Variants in RGS7 observed in about 807,000 individuals in gnomAD.
RGS7 encodes the protein regulator of G protein signaling 7, also known as regulator of G-protein signaling 7.
In RGS7, 27 loss-of-function variants were observed where a neutral mutation model predicts 81.1. The observed-to-expected ratio is 0.33, with a 90% CI of 0.25 to 0.46. The LOEUF is 0.46. Among genes scored for constraint, RGS7 ranks in the 20% least tolerant of loss-of-function variants. The pLI is 1.00. For missense variants in RGS7, 396 were observed against 607.4 expected (o/e 0.65, Z 3.66); for synonymous variants, 208 against 207.7 (o/e 1.00, Z -0.01).
chr1:241,160,355 A>G (rs1289985721), intron 2 of RGS7, among the ~76,000 whole-genome samples: 2 of 152,192 alleles, frequency 1.3e-5, no homozygotes, highest in African/African-American at 4.8e-5. Flanking sequence ...ATGTTGAATA[A>G]TAGACATTAT....
chr1:240,923,802 T>C lies in RGS7; in HGVS notation c.385+6915A>G, dbSNP rs375869105. Among the ~76,000 whole-genome samples the C allele has an allele frequency of 1.4e-4, 22 of 152,254 alleles. 1 individual carries two copies. The highest frequency in any genetic ancestry group is 8.3e-4 in the South Asian group (4 of 4,830). On this transcript the variant is annotated intron_variant, in intron 6 of 18. Coordinates refer to ENST00000440928, the MANE Select transcript of RGS7 (RefSeq NM_001364886.1). ...TTTAGATAAAGAAATAAATAATGTC[T>C]ACTTTTAGAAAAATGAATTTCTTTC...
chr1:240,920,227 AAAGAGGTCGAAGTGGTTCTGG>A, intron 6 of RGS7: 1 of 1,186,582 alleles, frequency 8.4e-7, no homozygotes, highest in Non-Finnish European at 1.2e-6. Flanking sequence ...TCATGCAGCC[AAAGAGGTCGAAGTGGTTCTGG>A]AAACTTTGGT....
chr1:241,127,657 C>T (rs1240855820), intron 2 of RGS7, among the ~76,000 whole-genome samples: 3 of 151,866 alleles, frequency 2.0e-5, no homozygotes, highest in Non-Finnish European at 4.4e-5. Flanking sequence ...CAAACCTGCA[C>T]GTTGTGCACA....
chr1:240,821,391 G>A (rs1691774923), intron 10 of RGS7, among the ~76,000 whole-genome samples: 1 of 152,190 alleles, frequency 6.6e-6, no homozygotes, highest in Non-Finnish European at 1.5e-5. Flanking sequence ...GGCAGAGGCT[G>A]CAGTGAGCCG....
intron 2 of RGS7, among the ~76,000 whole-genome samples, chr1:241,105,612 G>A (rs910245063): frequency 6.6e-6 from 1 of 152,104 alleles, no homozygotes; most frequent in African/African-American, 2.4e-5. Context: ...GTTCTCTAAT[G>A]TTCTAAACAA....
intron 18 of RGS7, among the ~76,000 whole-genome samples, chr1:240,799,314 G>T (rs991149745): frequency 5.3e-5 from 7 of 131,522 alleles, no homozygotes; most frequent in African/African-American, 1.9e-4. Flanking sequence ...TGTGTGTGTG[G>T]ATGGTATTCA....
At chr1:241,156,264 G>A (rs1323695333) in intron 2 of RGS7, among the ~76,000 whole-genome samples, 2 of 152,068 alleles carry the variant, frequency 1.3e-5, no homozygotes, top group Non-Finnish European at 2.9e-5. Flanking sequence ...GCCTGAAGCT[G>A]GAGGATTGCT....
At chr1:241,332,338 T>G (rs555489143) in intron 2 of RGS7, among the ~76,000 whole-genome samples, 5 of 152,166 alleles carry the variant, frequency 3.3e-5, no homozygotes, top group Non-Finnish European at 5.9e-5. Flanking sequence ...GTAGGTGACG[T>G]GATCTTGTGT....
intron 3 of RGS7, among the ~76,000 whole-genome samples, chr1:240,989,775 G>A (rs1015289388): frequency 6.6e-6 from 1 of 152,046 alleles, no homozygotes; most frequent in Non-Finnish European, 1.5e-5. Flanking sequence ...TCATCAGGGC[G>A]CTTTTGGTTG....
intron 3 of RGS7, among the ~76,000 whole-genome samples, chr1:241,002,729 C>CT (rs1369950153): frequency 6.6e-6 from 1 of 152,146 alleles, no homozygotes; most frequent in Admixed American, 6.5e-5. Flanking sequence ...AATGGAAAAA[C>CT]TTTGAGAAAT....
intron 2 of RGS7, among the ~76,000 whole-genome samples, chr1:241,249,757 G>A (rs975208603): frequency 6.6e-6 from 1 of 152,066 alleles, no homozygotes; most frequent in Non-Finnish European, 1.5e-5. Context: ...TTGGACAAGT[G>A]AACAAGGAAA....
intron 3 of RGS7, among the ~76,000 whole-genome samples, chr1:241,008,081 T>C (rs1337014878): frequency 6.6e-6 from 1 of 152,152 alleles, no homozygotes; most frequent in East Asian, 1.9e-4. Context: ...ATGGGACCTG[T>C]ATGCAAAGAT....
chr1:241,277,025 T>A (rs1204814754), intron 2 of RGS7, among the ~76,000 whole-genome samples: 1 of 150,886 alleles, frequency 6.6e-6, no homozygotes, highest in Non-Finnish European at 1.5e-5. Context: ...AAGATGTGCA[T>A]ACAAAATAGC....
At chr1:241,035,309 A>G (rs1233223782) in intron 3 of RGS7, among the ~76,000 whole-genome samples, 3 of 152,168 alleles carry the variant, frequency 2.0e-5, no homozygotes, top group South Asian at 2.1e-4. Context: ...TAAAATATGG[A>G]AGAATGCAGG....
intron 3 of RGS7, among the ~76,000 whole-genome samples, chr1:241,036,637 CATG>C (rs2148749954): frequency 6.6e-6 from 1 of 152,304 alleles, no homozygotes; most frequent in East Asian, 1.9e-4. Flanking sequence ...TGTTAAATTA[CATG>C]ATAAGTAATC....
At chr1:241,291,208 G>A (rs886878925) in intron 2 of RGS7, among the ~76,000 whole-genome samples, 2 of 152,162 alleles carry the variant, frequency 1.3e-5, no homozygotes, top group Non-Finnish European at 2.9e-5. Context: ...AAGACCATGT[G>A]CCAAGTTCCC....
At position 241,329,006 on chromosome 1, in the gene RGS7, G is replaced by A. The variant is rs575465554; in HGVS notation, c.78+26693C>T. ...ATTACCACTCACCGTCACAAATAAT[G>A]TTTTCTTTCATTTTCCATATGGGCA... On this transcript the variant is annotated intron_variant, in intron 2 of 18. Coordinates refer to ENST00000440928, the MANE Select transcript of RGS7 (RefSeq NM_001364886.1). Among the ~76,000 whole-genome samples the A allele has an allele frequency of 8.5e-5, 13 of 152,086 alleles. No homozygotes were observed. In the East Asian group the frequency reaches 2.5e-3, roughly 29 times the overall value.
At chr1:240,914,526 A>C (rs1672275862) in intron 6 of RGS7, among the ~76,000 whole-genome samples, 1 of 152,220 alleles carries the variant, frequency 6.6e-6, no homozygotes, top group Non-Finnish European at 1.5e-5. Flanking sequence ...GAGAAGAAAC[A>C]ACCAACTTTA....
rs777839011 is a variant in RGS7, at chr1:240,793,586, A to AATATATAT, written c.*6+7047_*6+7054dup. On this transcript the variant is annotated intron_variant, in intron 18 of 18. Coordinates refer to ENST00000440928, the MANE Select transcript of RGS7 (RefSeq NM_001364886.1). Reference sequence around the variant, plus strand: ...TTATTTTCACTGAAGGTGTAGTAGGAATATATATATATATATATATATATA... The same window carrying AATATATAT: ...TTATTTTCACTGAAGGTGTAGTAGGAATATATATATATATATATATATATATATATATA... Among the ~76,000 whole-genome samples the AATATATAT allele has an allele frequency of 1.5e-3, 149 of 102,288 alleles. 10 individuals carry two copies. The highest frequency in any genetic ancestry group is 7.7e-3 in the African/African-American group (124 of 16,008). The allele number at this position is 102,288 out of a possible 152,430, so 67.1% of individuals were successfully genotyped here.
Sources: allele counts gnomAD v4.1 joint callset (sites outside exome capture counted in the v4.1 genomes callset), GRCh38; gene constraint gnomAD v4.1.1; transcripts MANE v1.5; gene names NCBI Gene and HGNC (gene_info 2026-07-23, HGNC 2026-07-21).